PIK3C3: variants seen among roughly 807,000 people sequenced by gnomAD.
The protein encoded by PIK3C3 is PI3-kinase type 3.
A neutral mutation model predicts 126.1 loss-of-function variants in PIK3C3; 95 were observed. That is an observed-to-expected ratio of 0.75 (90% CI 0.64 to 0.89). The LOEUF is 0.89. Ranked by LOEUF, PIK3C3 falls within the 40% of genes least tolerant of loss-of-function variation. The pLI is 0.00. For missense variants in PIK3C3, 829 were observed against 1,063.2 expected (o/e 0.78, Z 3.06); for synonymous variants, 374 against 360.0 (o/e 1.04, Z -0.44).
chr18:42,014,998 A>C (rs944778988), intron 11 of PIK3C3, among the ~76,000 whole-genome samples: 17 of 152,140 alleles, frequency 1.1e-4, no homozygotes, highest in African/African-American at 4.1e-4. Flanking sequence ...GTAAAAGTCT[A>C]TTCAGAATTT....
intron 5 of PIK3C3, 121 bp downstream of exon 5, chr18:41,988,019 A>G: frequency 1.7e-6 from 1 of 581,262 alleles, no homozygotes; most frequent in Non-Finnish European, 2.9e-6. Flanking sequence ...TAACCCCTGT[A>G]GCTGGGAATT....
Position 42,072,833 on chromosome 18 carries a change from C to G in PIK3C3, c.2649+5320C>G, listed in dbSNP as rs565350388. Among the ~76,000 whole-genome samples the G allele has an allele frequency of 3.3e-4, 50 of 152,248 alleles. No individual in the cohort carries two copies. The South Asian group carries it at 0.01, about 32-fold the overall frequency. ...TACAAGCACGAGCCACCATGTCTGGCCTTGAAGTGATCTTTACAGTGCTTT... is the reference window on the plus strand; with the variant it reads ...TACAAGCACGAGCCACCATGTCTGGGCTTGAAGTGATCTTTACAGTGCTTT... On this transcript the variant is annotated intron_variant, in intron 24 of 24. Transcript: ENST00000262039.
At chr18:42,023,037 A>C (rs907123058) in intron 13 of PIK3C3, among the ~76,000 whole-genome samples, 1 of 152,176 alleles carries the variant, frequency 6.6e-6, no homozygotes, top group African/African-American at 2.4e-5. Context: ...TTGAGTAAAT[A>C]TTTCAAAGCT....
chr18:41,999,919 G>T (rs189332408), intron 9 of PIK3C3, among the ~76,000 whole-genome samples: 25 of 152,096 alleles, frequency 1.6e-4, no homozygotes, highest in Admixed American at 3.9e-4. Flanking sequence ...AAACAGTTTT[G>T]CATGAATGGT....
intron 9 of PIK3C3, among the ~76,000 whole-genome samples, chr18:41,998,715 T>C (rs1195835237): frequency 6.6e-6 from 1 of 152,112 alleles, no homozygotes; most frequent in Admixed American, 6.5e-5. Context: ...TAGAGTAGAG[T>C]GAACGATATG....
rs1172367967 is a variant in PIK3C3 at position 42,082,386 on chromosome 18, GTAATTAAGAGACACTCTAGAGGCATA to G, written c.*1251_*1276del. On this transcript the variant is annotated 3_prime_UTR_variant, in exon 25 of 25. Transcript: ENST00000262039. ...GGGTTACCGGCGAGAGGGCAAGCAT[GTAATTAAGAGACACTCTAGAGGCATA>G]TGGAATATAGTTTGTATAAAACATA... 1.3e-5 allele frequency: 2 copies of G among 152,140 alleles called. No homozygotes were observed. Among genetic ancestry groups the G allele is most frequent in the Admixed American group, 1.3e-4 (2 of 15,284 alleles). The allele number at this position is 152,140 out of a possible 1,614,324, so 9.4% of individuals were successfully genotyped here.
chr18:41,962,729 C>T, intron 3 of PIK3C3, 97 bp downstream of exon 3: 1 of 1,172,618 alleles, frequency 8.5e-7, no homozygotes, highest in Non-Finnish European at 1.2e-6. Context: ...TATGCTCAGT[C>T]TCCAGTGTAA....
rs1259558427 is a variant in PIK3C3, at chr18:41,980,495, A to T, written c.532-7317A>T. Among the ~76,000 whole-genome samples, 5 of 152,320 alleles carry T rather than the reference A, an allele frequency of 3.3e-5. No homozygotes were observed. The East Asian group carries it at 9.7e-4, about 29-fold the overall frequency. ...TTACCCCATTTAGGTAAATGAATAT[A>T]CAAAATATAGACAGTGTTCTGTTAA... On this transcript the variant is annotated intron_variant, in intron 4 of 24. Transcript: ENST00000262039.
intron 21 of PIK3C3, chr18:42,050,999 T>C (rs1456310358): frequency 6.6e-6 from 1 of 152,282 alleles, no homozygotes; most frequent in African/African-American, 2.4e-5. Flanking sequence ...CAATGCTCTC[T>C]ACTTATTACT....
chr18:41,976,102 A>G (rs992646326), intron 4 of PIK3C3, among the ~76,000 whole-genome samples: 5 of 152,184 alleles, frequency 3.3e-5, no homozygotes, highest in African/African-American at 1.2e-4. Flanking sequence ...ACAATCCCAA[A>G]ATAATCCTTG....
intron 10 of PIK3C3, among the ~76,000 whole-genome samples, chr18:42,009,588 CTACATTATGTAATG>C (rs954349681): frequency 3.3e-5 from 5 of 151,236 alleles, no homozygotes; most frequent in Non-Finnish European, 7.4e-5. Context: ...AGTATGTAGA[CTACATTATGTAATG>C]TACATTATGT....
At chr18:41,966,707 A>G (rs971774820) in intron 3 of PIK3C3, among the ~76,000 whole-genome samples, 11 of 152,218 alleles carry the variant, frequency 7.2e-5, no homozygotes, top group Non-Finnish European at 1.6e-4. Flanking sequence ...TTTGCAAAAT[A>G]TGCATACAAT....
rs533295900 is a variant in PIK3C3, at chr18:42,083,775, A to G, written c.*2638A>G. 1 of 152,310 alleles carries G rather than the reference A, an allele frequency of 6.6e-6. No individual in the cohort carries two copies. Among genetic ancestry groups the G allele is most frequent in the African/African-American group, 2.4e-5 (1 of 41,566 alleles). The allele number at this position is 152,310 out of a possible 1,614,324, so 9.4% of individuals were successfully genotyped here. A position where few individuals can be genotyped will look rare whatever the true frequency, so the allele number is the denominator to read the frequency against. ...TTTAAAGCAATTGAATCATCTGCCCAAGGATAAGCTGCTGGTGAGAGCAGA... is the reference window on the plus strand; with the variant it reads ...TTTAAAGCAATTGAATCATCTGCCCGAGGATAAGCTGCTGGTGAGAGCAGA... On this transcript the variant is annotated 3_prime_UTR_variant, in exon 25 of 25. Transcript: ENST00000262039.
intron 12 of PIK3C3, among the ~76,000 whole-genome samples, chr18:42,016,184 A>G (rs1022765005): frequency 2.6e-5 from 4 of 152,180 alleles, no homozygotes; most frequent in Admixed American, 6.5e-5. Flanking sequence ...CAGTGTGTGT[A>G]TATATATTAC....
chr18:42,040,825 G>T, intron 19 of PIK3C3, 84 bp downstream of exon 19: 2 of 867,886 alleles, frequency 2.3e-6, no homozygotes, highest in Non-Finnish European at 3.7e-6. Flanking sequence ...AGTTAAAAAT[G>T]AAAGTCTCCT....
chr18:42,053,667 C>T (rs1325560369), intron 21 of PIK3C3, among the ~76,000 whole-genome samples: 4 of 152,074 alleles, frequency 2.6e-5, no homozygotes, highest in Non-Finnish European at 4.4e-5. Flanking sequence ...TCAGTTGTGA[C>T]AGGATTCAAA....
At chr18:41,965,625 G>A (rs1282518461) in intron 3 of PIK3C3, among the ~76,000 whole-genome samples, 1 of 152,116 alleles carries the variant, frequency 6.6e-6, no homozygotes, top group Non-Finnish European at 1.5e-5. Context: ...TCTGTGAAAG[G>A]GAGCCTATGA....
intron 10 of PIK3C3, among the ~76,000 whole-genome samples, chr18:42,012,802 A>G (rs1027070645): frequency 2.6e-5 from 4 of 152,080 alleles, no homozygotes; most frequent in African/African-American, 9.7e-5. Context: ...TTTTGTTCAA[A>G]TCTCTTGGTA....
chr18:42,052,897 C>T (rs994912364), intron 21 of PIK3C3: 2 of 152,122 alleles, frequency 1.3e-5, no homozygotes, highest in Non-Finnish European at 2.9e-5. Flanking sequence ...GCTGATGGAG[C>T]ATTTTTTAAT....
Sources: allele counts gnomAD v4.1 joint callset (sites outside exome capture counted in the v4.1 genomes callset), GRCh38; gene constraint gnomAD v4.1.1; transcripts MANE v1.5; gene names NCBI Gene and HGNC (gene_info 2026-07-23, HGNC 2026-07-21).